IFT56: variants seen among roughly 807,000 people sequenced by gnomAD.
IFT56 encodes the protein intraflagellar transport protein 56.
At chr7:139,176,956 G>A in the IFT56 span, among the ~76,000 whole-genome samples, 2 of 151,852 alleles carry the variant, frequency 1.3e-5, no homozygotes, top group Non-Finnish European at 2.9e-5. Context: ...GGCGTATTAC[G>A]AGGTCAGGAG....
the IFT56 span, among the ~76,000 whole-genome samples, chr7:139,141,154 G>A: frequency 2.2e-4 from 34 of 151,534 alleles, no homozygotes; most frequent in African/African-American, 6.6e-4. Flanking sequence ...CCAGCTACTC[G>A]GGAGGCTGAG....
At chr7:139,134,665 G>A in the IFT56 span, 1 of 1,606,696 alleles carries the variant, frequency 6.2e-7, no homozygotes, top group Non-Finnish European at 8.5e-7. Flanking sequence ...ATGCTTTCAA[G>A]GGCCAAACCT....
At chr7:139,166,677 T>C in the IFT56 span, among the ~76,000 whole-genome samples, 2 of 152,220 alleles carry the variant, frequency 1.3e-5, no homozygotes, top group African/African-American at 4.8e-5. Flanking sequence ...TGGTTATTTT[T>C]AGCATAACTA....
chr7:139,147,945 C>T, the IFT56 span, among the ~76,000 whole-genome samples: 102 of 152,288 alleles, frequency 6.7e-4, no homozygotes, highest in African/African-American at 2.4e-3. Flanking sequence ...TGTTTATGTT[C>T]AATTATTGCA....
At chr7:139,134,229 T>G in the IFT56 span, among the ~76,000 whole-genome samples, 3 of 152,216 alleles carry the variant, frequency 2.0e-5, no homozygotes, top group African/African-American at 7.2e-5. Flanking sequence ...AAAACGAGTT[T>G]GAATAGGCTT....
chr7:139,178,436 T>A, the IFT56 span: 3 of 1,482,250 alleles, frequency 2.0e-6, no homozygotes, highest in African/African-American at 2.8e-5. Context: ...AAGGTTAGTT[T>A]TGTGTTTATC....
At chr7:139,187,368 TTTACTGCAAGTA>T in the IFT56 span, 19 of 1,607,334 alleles carry the variant, frequency 1.2e-5, no homozygotes, top group Non-Finnish European at 1.6e-5. Flanking sequence ...GTGCAATCTC[TTTACTGCAAGTA>T]TTACCACATA....
the IFT56 span, chr7:139,137,796 A>C: frequency 6.9e-7 from 1 of 1,456,314 alleles, no homozygotes; most frequent in Non-Finnish European, 9.6e-7. Context: ...TTAAACAGAG[A>C]GTTTACTATT....
the IFT56 span, chr7:139,190,888 A>G: frequency 1.7e-4 from 26 of 152,268 alleles, no homozygotes; most frequent in African/African-American, 6.3e-4. Context: ...AAGAGAATAG[A>G]TGGGAAGAGA....
chr7:139,176,945 G>A, the IFT56 span, among the ~76,000 whole-genome samples: 2 of 151,984 alleles, frequency 1.3e-5, no homozygotes, highest in Non-Finnish European at 1.5e-5. Context: ...AGGCTGAGGT[G>A]GGCGTATTAC....
chr7:139,179,675 G>C, the IFT56 span: 1 of 1,536,350 alleles, frequency 6.5e-7, no homozygotes, highest in Non-Finnish European at 9.0e-7. Context: ...ATTACAAGAA[G>C]AATCCTCTTT....
the IFT56 span, among the ~76,000 whole-genome samples, chr7:139,149,481 G>T: frequency 5.1e-4 from 77 of 151,552 alleles, no homozygotes; most frequent in Non-Finnish European, 9.0e-4. Flanking sequence ...TTTAAATAGT[G>T]TTCCTGCCTT....
At chr7:139,169,482 A>C in the IFT56 span, 1 of 749,524 alleles carries the variant, frequency 1.3e-6, no homozygotes, top group Non-Finnish European at 2.2e-6. Context: ...GGTCAGAAAT[A>C]AGAGAGAATA....
At chr7:139,148,917 CAA>C in the IFT56 span, among the ~76,000 whole-genome samples, 3 of 150,252 alleles carry the variant, frequency 2.0e-5, no homozygotes, top group African/African-American at 7.4e-5. Context: ...ACCCAAAAAC[CAA>C]AAAACAAATG....
chr7:139,169,378 T>A, the IFT56 span: 2 of 1,599,810 alleles, frequency 1.3e-6, no homozygotes, highest in South Asian at 1.1e-5. Context: ...GTACTTATGA[T>A]CTGCTTCATA....
chr7:139,140,162 G>A, the IFT56 span, among the ~76,000 whole-genome samples: 1 of 151,990 alleles, frequency 6.6e-6, no homozygotes, highest in Non-Finnish European at 1.5e-5. Flanking sequence ...TTGGATTTGA[G>A]TAACTATGTT....
chr7:139,159,672 T>C, the IFT56 span, among the ~76,000 whole-genome samples: 2 of 152,168 alleles, frequency 1.3e-5, no homozygotes, highest in African/African-American at 4.8e-5. Flanking sequence ...AAGCCAGACA[T>C]TAAAGAGATT....
the IFT56 span, among the ~76,000 whole-genome samples, chr7:139,177,242 A>T: frequency 6.6e-6 from 1 of 151,018 alleles, no homozygotes; most frequent in Non-Finnish European, 1.5e-5. Context: ...GTGTGTGTAT[A>T]TATATATATT....
chr7:139,147,540 A>T, the IFT56 span, among the ~76,000 whole-genome samples: 10 of 152,110 alleles, frequency 6.6e-5, no homozygotes, highest in African/African-American at 2.4e-4. Flanking sequence ...ATACTGATAG[A>T]TGTATATTAA....
Sources: allele counts gnomAD v4.1 joint callset (sites outside exome capture counted in the v4.1 genomes callset), GRCh38; gene constraint gnomAD v4.1.1; transcripts MANE v1.5; gene names NCBI Gene and HGNC (gene_info 2026-07-23, HGNC 2026-07-21).